The following MME variants were observed in gnomAD, a reference collection of about 807,000 sequenced individuals.
MME encodes membrane metalloendopeptidase.
MME carries 98 observed loss-of-function variants against 113.2 expected under a neutral mutation model. The ratio of observed to expected loss-of-function variants is 0.87; its 90% confidence interval spans 0.74 to 1.02. The LOEUF is 1.02. Ranked by LOEUF, MME falls within the 50% of genes least tolerant of loss-of-function variation. MME has a pLI of 0.00. For synonymous variants in MME, 292 were observed against 300.6 expected (o/e 0.97, Z 0.30); for missense variants, 836 against 896.0 (o/e 0.93, Z 0.86).
At chr3:155,150,682 A>G (rs1721859903) in intron 16 of MME, among the ~76,000 whole-genome samples, 2 of 152,192 alleles carry the variant, frequency 1.3e-5, no homozygotes, top group African/African-American at 2.4e-5. Flanking sequence ...GAACCCAGAT[A>G]CTGGTATTCT....
intron 8 of MME, among the ~76,000 whole-genome samples, chr3:155,125,390 C>A (rs183369975): frequency 0.018 from 2,645 of 147,266 alleles, 87 homozygotes; most frequent in African/African-American, 0.062. Context: ...GCGTTGCTCA[C>A]GCTGGGAGCT....
chr3:155,128,856 A>C (rs997194014), intron 8 of MME, among the ~76,000 whole-genome samples: 2 of 152,110 alleles, frequency 1.3e-5, no homozygotes, highest in Non-Finnish European at 2.9e-5. Flanking sequence ...GAAGAACCCA[A>C]TCTTTTGGAA....
At chr3:155,117,654 A>C (rs981400364) in intron 7 of MME, among the ~76,000 whole-genome samples, 14 of 137,908 alleles carry the variant, frequency 1.0e-4, no homozygotes, top group African/African-American at 3.9e-4. Context: ...ATTGCAGGCT[A>C]CTGAATCACC....
chr3:155,054,188 A>G (rs1453668917), intron 1 of MME, among the ~76,000 whole-genome samples: 6 of 152,140 alleles, frequency 3.9e-5, no homozygotes, highest in Non-Finnish European at 8.8e-5. Flanking sequence ...ATTTTCCTAT[A>G]TGATGGATTT....
intron 1 of MME, among the ~76,000 whole-genome samples, chr3:155,083,202 A>C (rs923146799): frequency 6.6e-6 from 1 of 152,148 alleles, no homozygotes; most frequent in Non-Finnish European, 1.5e-5. Flanking sequence ...ACAGTGACCA[A>C]ATGTGTTCTT....
intron 8 of MME, among the ~76,000 whole-genome samples, chr3:155,135,186 G>C (rs1335644395): frequency 1.1e-4 from 17 of 152,168 alleles, no homozygotes; most frequent in Admixed American, 1.0e-3. Flanking sequence ...AATTCCTTTT[G>C]AGGACTTAGT....
In MME at chr3:155,180,609, T is replaced by C; in HGVS notation, c.*150T>C. 1 of 701,668 alleles carries C rather than the reference T, an allele frequency of 1.4e-6. No homozygotes were observed. The highest frequency in any genetic ancestry group is 1.5e-5 in the South Asian group (1 of 65,724). The allele number at this position is 701,668 out of a possible 1,614,324, so 43.5% of individuals were successfully genotyped here. Reference sequence around the variant, plus strand: ...GGGCACCATCACAATACAGATAACATTAGGTTGTCCTAGAAAGGGTGTGGA... The same window carrying C: ...GGGCACCATCACAATACAGATAACACTAGGTTGTCCTAGAAAGGGTGTGGA... On this transcript the variant is annotated 3_prime_UTR_variant, in exon 23 of 23. Transcript: ENST00000360490.
chr3:155,148,065 T>C (rs966016597), intron 15 of MME, among the ~76,000 whole-genome samples: 2 of 152,198 alleles, frequency 1.3e-5, no homozygotes, highest in Admixed American at 6.6e-5. Flanking sequence ...CATTTAAACT[T>C]GGTCGAGTGA....
At chr3:155,169,725 G>A (rs928784107) in intron 20 of MME, among the ~76,000 whole-genome samples, 1 of 152,170 alleles carries the variant, frequency 6.6e-6, no homozygotes, top group Non-Finnish European at 1.5e-5. Flanking sequence ...GCTTCTCTAA[G>A]ACAAGGATGG....
At chr3:155,142,538 A>T (rs568052883) in intron 12 of MME, among the ~76,000 whole-genome samples, 64 of 152,264 alleles carry the variant, frequency 4.2e-4, no homozygotes, top group African/African-American at 1.5e-3. Flanking sequence ...ATGTGGCACG[A>T]TGATTGCATT....
At chr3:155,042,934 A>ATATT (rs1553749806) in intron 1 of MME, among the ~76,000 whole-genome samples, 1 of 61,316 alleles carries the variant, frequency 1.6e-5, no homozygotes, top group Non-Finnish European at 2.8e-5. Flanking sequence ...ATATATATAT[A>ATATT]TATATGTATA....
At position 155,168,502 on chromosome 3, in the gene MME, T is replaced by A; in HGVS notation, c.1791T>A (p.Phe597Leu). 7 of 1,612,730 alleles carry A rather than the reference T, an allele frequency of 4.3e-6. No homozygotes were observed. The highest frequency in any genetic ancestry group is 5.9e-6 in the Non-Finnish European group (7 of 1,179,024). ...THGFDDNGRN[F>L]NKDGDLVDWW... is the part of the protein sequence containing the mutation. ...ATAAATATATTATAGGCAGAAACTTTAACAAAGATGGAGACCTCGTTGACT... is the reference window on the plus strand; with the variant it reads ...ATAAATATATTATAGGCAGAAACTTAAACAAAGATGGAGACCTCGTTGACT... The change falls in exon 19 of 23, where the codon TTT becomes TTA. Residue 597 changes from phenylalanine (F) to leucine (L), a missense_variant. By Grantham distance (22) the Phe-to-Leu change is conservative (BLOSUM62 0). Transcript: ENST00000360490.
chr3:155,085,166 A>G, intron 3 of MME, 72 bp downstream of exon 3: 2 of 1,012,050 alleles, frequency 2.0e-6, no homozygotes, highest in East Asian at 2.5e-5. Context: ...GCTAATCTTA[A>G]TTTGCTTTGT....
chr3:155,182,311 T>C lies in MME; in HGVS notation c.*1852T>C, dbSNP rs1263240835. On this transcript the variant is annotated 3_prime_UTR_variant, in exon 23 of 23. Coordinates refer to ENST00000360490, the MANE Select transcript of MME (RefSeq NM_007289.4). The stretch of plus-strand genomic sequence containing the variant: ...GACTTATTACAATTTGTTCATCCTA[T>C]TGTTGATGGGCACTTGAGAACTTTC... The C allele has an allele frequency of 6.6e-6, 1 of 152,224 alleles. No individual in the cohort carries two copies. 9.4% of individuals were successfully genotyped at this position (152,224 alleles called of 1,614,324 possible).
chr3:155,135,567 G>A (rs1720555062), intron 8 of MME, among the ~76,000 whole-genome samples: 1 of 152,138 alleles, frequency 6.6e-6, no homozygotes, highest in South Asian at 2.1e-4. Context: ...GTCAGGTAAT[G>A]TGATGCCTCC....
chr3:155,083,805 C>T (rs545671576), intron 1 of MME: 95 of 265,424 alleles, frequency 3.6e-4, no homozygotes, highest in African/African-American at 2.1e-3. Context: ...GAGTTTAAAA[C>T]TTTCTTAATG....
intron 1 of MME, among the ~76,000 whole-genome samples, chr3:155,024,799 A>G (rs910540349): frequency 6.6e-6 from 1 of 152,232 alleles, no homozygotes; most frequent in African/African-American, 2.4e-5. Context: ...ACTTATGTGC[A>G]CATAAAATTA....
intron 1 of MME, among the ~76,000 whole-genome samples, chr3:155,054,764 C>T (rs920321661): frequency 1.3e-5 from 2 of 152,142 alleles, no homozygotes; most frequent in African/African-American, 4.8e-5. Flanking sequence ...TTGCAGTGAG[C>T]CAAGATCACA....
chr3:155,083,125 C>T (rs1715309686), intron 1 of MME, among the ~76,000 whole-genome samples: 1 of 152,142 alleles, frequency 6.6e-6, no homozygotes, highest in African/African-American at 2.4e-5. Context: ...AGGCTTATAT[C>T]CCCTTAATTT....
Sources: allele counts gnomAD v4.1 joint callset (sites outside exome capture counted in the v4.1 genomes callset), GRCh38; gene constraint gnomAD v4.1.1; transcripts MANE v1.5; gene names NCBI Gene and HGNC (gene_info 2026-07-23, HGNC 2026-07-21).